AGBL1: variants seen among roughly 807,000 people sequenced by gnomAD.
AGBL1 encodes the protein cytosolic carboxypeptidase 4.
AGBL1 carries 130 observed loss-of-function variants against 118.9 expected under a neutral mutation model. The ratio of observed to expected loss-of-function variants is 1.09; its 90% confidence interval spans 0.95 to 1.26. The LOEUF (loss-of-function observed/expected upper bound fraction) is 1.26. Ranked by LOEUF, AGBL1 falls within the 50% of genes most tolerant of loss-of-function variation. AGBL1 has a pLI of 0.00. For synonymous variants in AGBL1, 555 were observed against 478.9 expected (o/e 1.16, Z -2.08); for missense variants, 1,584 against 1,298.1 (o/e 1.22, Z -3.38).
intron 18 of AGBL1, among the ~76,000 whole-genome samples, chr15:86,413,336 A>G (rs1488629625): frequency 1.3e-5 from 2 of 152,210 alleles, no homozygotes; most frequent in African/African-American, 4.8e-5. Context: ...TATGTAAACT[A>G]TTATGCATAA....
chr15:87,012,833 C>T (rs1215282872), intron 24 of AGBL1, among the ~76,000 whole-genome samples: 7 of 152,046 alleles, frequency 4.6e-5, no homozygotes, highest in African/African-American at 1.7e-4. Flanking sequence ...GAGATATATC[C>T]TTACCTAGAG....
At chr15:86,554,240 A>T (rs2036452398) in intron 20 of AGBL1, 121 bp from the exon 21 acceptor site, 1 of 860,736 alleles carries the variant, frequency 1.2e-6, no homozygotes, top group African/African-American at 1.8e-5. Context: ...GGGTTAATAA[A>T]TGATTTAAAG....
chr15:86,655,509 C>A (rs939829370), intron 21 of AGBL1, among the ~76,000 whole-genome samples: 2 of 152,090 alleles, frequency 1.3e-5, no homozygotes, highest in African/African-American at 4.8e-5. Flanking sequence ...CTTGTCTTTC[C>A]TTTTCTCTCC....
chr15:86,777,426 AT>A (rs66971238), intron 22 of AGBL1, among the ~76,000 whole-genome samples: 53,908 of 150,976 alleles, frequency 0.36, 11,278 homozygotes, highest in South Asian at 0.48. Context: ...TCTTCCATCT[AT>A]TTTTTTTTCC....
At chr15:86,887,893 G>T (rs2079993265) in intron 22 of AGBL1, among the ~76,000 whole-genome samples, 1 of 152,016 alleles carries the variant, frequency 6.6e-6, no homozygotes, top group Non-Finnish European at 1.5e-5. Context: ...CTACACAGAG[G>T]TATAGATTCA....
chr15:86,226,669 T>C (rs573091638), intron 6 of AGBL1, among the ~76,000 whole-genome samples: 91 of 152,300 alleles, frequency 6.0e-4, no homozygotes, highest in African/African-American at 2.1e-3. Flanking sequence ...GCTCAGACCG[T>C]GTAGCTAGGT....
At chr15:86,265,594 G>T (rs959732332) in intron 11 of AGBL1, among the ~76,000 whole-genome samples, 2 of 152,174 alleles carry the variant, frequency 1.3e-5, no homozygotes, top group Non-Finnish European at 2.9e-5. Flanking sequence ...TCTCTTGATG[G>T]TAAATCCCCC....
At chr15:86,534,941 T>A (rs2083403957) in intron 19 of AGBL1, among the ~76,000 whole-genome samples, 1 of 152,162 alleles carries the variant, frequency 6.6e-6, no homozygotes, top group Non-Finnish European at 1.5e-5. Context: ...GCAGAGATGT[T>A]CAATATCATG....
intron 18 of AGBL1, among the ~76,000 whole-genome samples, chr15:86,511,433 C>A (rs1038784164): frequency 6.6e-6 from 1 of 152,018 alleles, no homozygotes; most frequent in African/African-American, 2.4e-5. Flanking sequence ...CCTTTTCATC[C>A]ATTGCAAACA....
intron 6 of AGBL1, among the ~76,000 whole-genome samples, chr15:86,232,689 C>T (rs2078475850): frequency 6.6e-6 from 1 of 152,124 alleles, no homozygotes; most frequent in South Asian, 2.1e-4. Flanking sequence ...TCAGAGCTGC[C>T]TCTGGTGAAT....
At chr15:86,978,419 C>T (rs974561588) in intron 23 of AGBL1, among the ~76,000 whole-genome samples, 14 of 152,100 alleles carry the variant, frequency 9.2e-5, no homozygotes, top group African/African-American at 3.1e-4. Flanking sequence ...AATTTAGCAA[C>T]GAAGATTTAG....
chr15:86,888,918 T>C (rs2080011558), intron 22 of AGBL1, among the ~76,000 whole-genome samples: 1 of 152,106 alleles, frequency 6.6e-6, no homozygotes, highest in Admixed American at 6.6e-5. Context: ...GCTGGAGCAA[T>C]AGATGGCGTT....
chr15:86,572,585 C>T (rs563421672), intron 21 of AGBL1, among the ~76,000 whole-genome samples: 17 of 152,310 alleles, frequency 1.1e-4, no homozygotes, highest in Non-Finnish European at 2.1e-4. Flanking sequence ...AGAGCAGCAA[C>T]ATGGGGACAG....
intron 6 of AGBL1, among the ~76,000 whole-genome samples, chr15:86,238,006 A>G (rs2078580947): frequency 2.0e-5 from 3 of 152,104 alleles, no homozygotes; most frequent in Middle Eastern, 3.2e-3. Flanking sequence ...AGAATTTCCT[A>G]TCCCCAGATC....
intron 21 of AGBL1, among the ~76,000 whole-genome samples, chr15:86,605,085 G>A (rs896990480): frequency 1.3e-5 from 2 of 152,138 alleles, no homozygotes; most frequent in South Asian, 2.1e-4. Context: ...GTGAGCCACC[G>A]CGCTCAGCTC....
At chr15:86,085,501 G>C (rs1301921585) in intron 1 of AGBL1, among the ~76,000 whole-genome samples, 1 of 152,204 alleles carries the variant, frequency 6.6e-6, no homozygotes, top group Non-Finnish European at 1.5e-5. Context: ...CAACCAAGGT[G>C]ATAATTGCAG....
At chr15:86,385,214 T>G (rs2081165775) in intron 17 of AGBL1, among the ~76,000 whole-genome samples, 1 of 152,254 alleles carries the variant, frequency 6.6e-6, no homozygotes, top group Non-Finnish European at 1.5e-5. Flanking sequence ...ATTGAAATAG[T>G]CATTTTTACT....
At position 86,631,096 on chromosome 15, in the gene AGBL1, G is replaced by C. The variant is rs1013444110; in HGVS notation, c.2995-43177G>C. Reference sequence around the variant, plus strand: ...TCTCCATCTTCAGGGGTGTCTGCCAGCCAGGGTAGGTGTCTTCCGTCCGGC... The same window carrying C: ...TCTCCATCTTCAGGGGTGTCTGCCACCCAGGGTAGGTGTCTTCCGTCCGGC... On this transcript the variant is annotated intron_variant, in intron 21 of 22. Coordinates refer to ENST00000614907, the MANE Select transcript of AGBL1 (RefSeq NM_001386094.1). 5.2e-5 allele frequency: 8 copies of C among 153,248 alleles called. No individual in the cohort carries two copies. The Admixed American group carries it at 5.2e-4, about 10-fold the overall frequency. 9.5% of individuals were successfully genotyped at this position (153,248 alleles called of 1,614,324 possible).
At chr15:86,702,702 C>A (rs940829485) in intron 22 of AGBL1, among the ~76,000 whole-genome samples, 1 of 152,132 alleles carries the variant, frequency 6.6e-6, no homozygotes, top group South Asian at 2.1e-4. Flanking sequence ...CCCTTTATTT[C>A]CTTCACACTT....
Sources: allele counts gnomAD v4.1 joint callset (sites outside exome capture counted in the v4.1 genomes callset), GRCh38; gene constraint gnomAD v4.1.1; transcripts MANE v1.5; gene names NCBI Gene and HGNC (gene_info 2026-07-23, HGNC 2026-07-21).